The following CALN1 variants were observed in gnomAD, a reference collection of about 807,000 sequenced individuals.
CALN1 encodes calcium-binding protein 8.
Under a neutral mutation model 30.6 loss-of-function variants are expected in CALN1, and 17 were observed. The observed-to-expected ratio is 0.56, with a 90% CI of 0.38 to 0.83. The LOEUF is 0.83. Among genes scored for constraint, CALN1 ranks in the 40% least tolerant of loss-of-function variants. CALN1 has a pLI of 0.00. For missense variants in CALN1, 291 were observed against 354.9 expected (o/e 0.82, Z 1.45); for synonymous variants, 156 against 131.4 (o/e 1.19, Z -1.28).
At chr7:72,316,061 G>C (rs1177396188) in intron 2 of CALN1, among the ~76,000 whole-genome samples, 3 of 151,910 alleles carry the variant, frequency 2.0e-5, no homozygotes, top group African/African-American at 7.3e-5. Context: ...TGAGGCAGGA[G>C]AATCGCTTGA....
chr7:71,874,013 G>A (rs1454921963), intron 5 of CALN1, among the ~76,000 whole-genome samples: 1 of 152,138 alleles, frequency 6.6e-6, no homozygotes, highest in Non-Finnish European at 1.5e-5. Flanking sequence ...AGTGGCTCAC[G>A]CCTGTAATCC....
chr7:72,466,845 AG>A, the CALN1 span, among the ~76,000 whole-genome samples: 1 of 104,300 alleles, frequency 9.6e-6, no homozygotes. Flanking sequence ...GAGAAAGAAA[AG>A]AAAGAAAGAA....
At chr7:71,956,398 C>A (rs1184857152) in intron 5 of CALN1, among the ~76,000 whole-genome samples, 4 of 152,050 alleles carry the variant, frequency 2.6e-5, no homozygotes, top group African/African-American at 9.7e-5. Context: ...TACAGAAAGA[C>A]TGCAGATAAG....
At chr7:72,087,901 G>A (rs551224673) in intron 4 of CALN1, among the ~76,000 whole-genome samples, 111 of 152,264 alleles carry the variant, frequency 7.3e-4, no homozygotes, top group South Asian at 1.9e-3. Context: ...GATGGTGCAC[G>A]CCTGTAATCC....
At chr7:72,142,177 C>T (rs962036392) in intron 3 of CALN1, among the ~76,000 whole-genome samples, 23 of 152,144 alleles carry the variant, frequency 1.5e-4, no homozygotes, top group Non-Finnish European at 2.2e-4. Context: ...GGTGAGGCAT[C>T]GCCTGACCTG....
At chr7:72,332,617 C>T (rs1379262173) in intron 2 of CALN1, among the ~76,000 whole-genome samples, 1 of 152,144 alleles carries the variant, frequency 6.6e-6, no homozygotes, top group Non-Finnish European at 1.5e-5. Context: ...AAGTCAATTC[C>T]TGCCACTGAG....
At chr7:72,420,982 T>C (rs1295343589) in intron 1 of CALN1, among the ~76,000 whole-genome samples, 5 of 152,126 alleles carry the variant, frequency 3.3e-5, no homozygotes, top group Non-Finnish European at 1.5e-5. Context: ...TTTGGGTAAA[T>C]ACCCAAATTT....
At chr7:72,044,789 A>G in intron 4 of CALN1, among the ~76,000 whole-genome samples, 1 of 151,046 alleles carries the variant, frequency 6.6e-6, no homozygotes, top group African/African-American at 2.4e-5. Flanking sequence ...TTTTTTATTT[A>G]TTTAGTTATT....
At chr7:72,097,263 C>A (rs1321585966) in intron 4 of CALN1, among the ~76,000 whole-genome samples, 1 of 152,144 alleles carries the variant, frequency 6.6e-6, no homozygotes, top group Non-Finnish European at 1.5e-5. Context: ...ACATACATAA[C>A]AAACCTGCAC....
chr7:72,129,783 G>A (rs895737557), intron 3 of CALN1, among the ~76,000 whole-genome samples: 5 of 152,028 alleles, frequency 3.3e-5, no homozygotes, highest in Non-Finnish European at 7.4e-5. Context: ...AACTCAAATA[G>A]CCATTAATAG....
At chr7:71,826,280 G>A in intron 5 of CALN1, among the ~76,000 whole-genome samples, 1 of 151,994 alleles carries the variant, frequency 6.6e-6, no homozygotes, top group Non-Finnish European at 1.5e-5. Flanking sequence ...GAATGCACTG[G>A]TGGCTTAGAA....
the CALN1 span, among the ~76,000 whole-genome samples, chr7:72,501,928 A>AAT: frequency 6.5e-3 from 376 of 57,896 alleles, 37 homozygotes; most frequent in South Asian, 0.024. Context: ...AAAAAAAAAA[A>AAT]ATATATATAT....
At chr7:72,074,598 G>C (rs1426035552) in intron 4 of CALN1, among the ~76,000 whole-genome samples, 2 of 152,098 alleles carry the variant, frequency 1.3e-5, no homozygotes, top group Admixed American at 6.6e-5. Flanking sequence ...AGTAGAGATG[G>C]GGTTTTGCCG....
the CALN1 span, among the ~76,000 whole-genome samples, chr7:72,466,425 G>A: frequency 6.6e-6 from 1 of 152,074 alleles, no homozygotes; most frequent in Admixed American, 6.6e-5. Flanking sequence ...AGATCATAAG[G>A]TATTTACAAC....
At chr7:71,863,498 C>A (rs371138145) in intron 5 of CALN1, among the ~76,000 whole-genome samples, 2 of 127,258 alleles carry the variant, frequency 1.6e-5, no homozygotes, top group South Asian at 5.3e-4. Flanking sequence ...GCAGGGATTA[C>A]GGTGAGCTGA....
intron 1 of CALN1, among the ~76,000 whole-genome samples, chr7:72,432,398 T>C (rs1190383024): frequency 2.6e-5 from 4 of 152,160 alleles, no homozygotes; most frequent in African/African-American, 9.7e-5. Flanking sequence ...AACAGACTAA[T>C]ACAAGGACCC....
intron 2 of CALN1, among the ~76,000 whole-genome samples, chr7:72,358,060 T>C (rs1803347160): frequency 6.6e-6 from 1 of 151,714 alleles, no homozygotes; most frequent in Admixed American, 6.6e-5. Flanking sequence ...GATGCAATCA[T>C]AACTCACTGC....
At chr7:72,095,000 C>A (rs961080706) in intron 4 of CALN1, among the ~76,000 whole-genome samples, 13 of 152,096 alleles carry the variant, frequency 8.5e-5, no homozygotes, top group Admixed American at 5.9e-4. Context: ...GACTCAGGGG[C>A]GTGTGTGTGT....
intron 1 of CALN1, among the ~76,000 whole-genome samples, chr7:72,443,035 T>C (rs1808407035): frequency 6.6e-6 from 1 of 152,238 alleles, no homozygotes; most frequent in Non-Finnish European, 1.5e-5. Flanking sequence ...GTTGCACTTA[T>C]TTAGGATTGC....
Sources: gnomAD v4.1 joint callset for allele counts (sites outside exome capture counted in the v4.1 genomes callset) on GRCh38, gnomAD v4.1.1 for gene constraint, MANE v1.5 for transcripts, NCBI Gene and HGNC (gene_info 2026-07-23, HGNC 2026-07-21) for gene names.